Variants in CACNA2D3 observed in about 807,000 individuals in gnomAD.
CACNA2D3 encodes calcium voltage-gated channel auxiliary subunit alpha2delta 3, also known as voltage-dependent calcium channel subunit alpha-2/delta-3.
In CACNA2D3, 60 loss-of-function variants were observed where a neutral mutation model predicts 160.6. That is an observed-to-expected ratio of 0.37 (90% CI 0.30 to 0.46). The LOEUF is 0.46. Among genes scored for constraint, CACNA2D3 ranks in the 20% least tolerant of loss-of-function variants. The pLI is 1.00. For synonymous variants in CACNA2D3, 558 were observed against 492.9 expected (o/e 1.13, Z -1.75); for missense variants, 1,205 against 1,365.0 (o/e 0.88, Z 1.85).
chr3:54,591,341 T>C (rs1213041655), intron 9 of CACNA2D3, among the ~76,000 whole-genome samples: 1 of 152,084 alleles, frequency 6.6e-6, no homozygotes, highest in African/African-American at 2.4e-5. Flanking sequence ...TCTGGAGCCA[T>C]GATTGAATCT....
chr3:54,351,273 C>T (rs1011132858), intron 3 of CACNA2D3, among the ~76,000 whole-genome samples: 7 of 151,974 alleles, frequency 4.6e-5, no homozygotes, highest in South Asian at 2.1e-4. Flanking sequence ...TGAGCTACCG[C>T]GCCCGGCCTT....
chr3:54,863,416 T>G (rs1274937591), intron 17 of CACNA2D3, among the ~76,000 whole-genome samples: 1 of 152,192 alleles, frequency 6.6e-6, no homozygotes, highest in Non-Finnish European at 1.5e-5. Context: ...TCTCCCTCCC[T>G]GCTTTCAGAG....
intron 35 of CACNA2D3, among the ~76,000 whole-genome samples, chr3:55,063,959 A>C (rs1704574686): frequency 6.6e-6 from 1 of 152,234 alleles, no homozygotes; most frequent in Non-Finnish European, 1.5e-5. Context: ...AGGTACTAAA[A>C]GGTAAAACTT....
At chr3:54,381,571 C>T (rs1168590688) in intron 3 of CACNA2D3, among the ~76,000 whole-genome samples, 2 of 152,268 alleles carry the variant, frequency 1.3e-5, no homozygotes, top group East Asian at 3.9e-4. Context: ...GCTTCTGGCC[C>T]ATGACGGAAA....
chr3:54,921,645 C>T (rs1700854000), intron 27 of CACNA2D3, among the ~76,000 whole-genome samples: 1 of 152,078 alleles, frequency 6.6e-6, no homozygotes. Flanking sequence ...ACCTCCAGGC[C>T]ATAAAGCCCC....
At chr3:54,506,463 C>T (rs1003007102) in intron 5 of CACNA2D3, among the ~76,000 whole-genome samples, 1 of 152,330 alleles carries the variant, frequency 6.6e-6, no homozygotes. Flanking sequence ...ATGAAACTAG[C>T]TGGTAAACTC....
chr3:54,410,427 C>T (rs1306005292), intron 4 of CACNA2D3, among the ~76,000 whole-genome samples: 1 of 152,058 alleles, frequency 6.6e-6, no homozygotes, highest in Non-Finnish European at 1.5e-5. Context: ...GGCTGACTCT[C>T]TTATTAGGGG....
intron 2 of CACNA2D3, among the ~76,000 whole-genome samples, chr3:54,234,114 C>G (rs1253204594): frequency 6.6e-6 from 1 of 152,150 alleles, no homozygotes; most frequent in Non-Finnish European, 1.5e-5. Flanking sequence ...AGCTTTGCAT[C>G]TGACAAAAGT....
chr3:54,968,123 T>C (rs1306637982), intron 27 of CACNA2D3, among the ~76,000 whole-genome samples: 1 of 152,100 alleles, frequency 6.6e-6, no homozygotes, highest in Non-Finnish European at 1.5e-5. Context: ...TTTGAATTTT[T>C]TTTTTTCTTT....
chr3:54,858,923 G>A (rs899716211), intron 17 of CACNA2D3, among the ~76,000 whole-genome samples: 25 of 152,166 alleles, frequency 1.6e-4, no homozygotes, highest in African/African-American at 5.6e-4. Context: ...CCCCATGAGA[G>A]CATTAAATTG....
chr3:54,637,469 G>C (rs1366204790), intron 10 of CACNA2D3, among the ~76,000 whole-genome samples: 1 of 151,882 alleles, frequency 6.6e-6, no homozygotes, highest in East Asian at 1.9e-4. Context: ...GCCTAATAAG[G>C]GAACTGGGCA....
chr3:54,214,544 T>C (rs1271414572), intron 2 of CACNA2D3, among the ~76,000 whole-genome samples: 1 of 152,188 alleles, frequency 6.6e-6, no homozygotes, highest in African/African-American at 2.4e-5. Flanking sequence ...TTTTATCTCC[T>C]GTGGTCCTCA....
Position 54,429,691 on chromosome 3 carries a change from C to A in CACNA2D3, c.381+42917C>A, listed in dbSNP as rs533962536. 1.1e-4 allele frequency among the ~76,000 whole-genome samples: 17 copies of A among 152,258 alleles called. No individual in the cohort carries two copies. The South Asian group carries it at 3.5e-3, about 32-fold the overall frequency. ...ACTTTGCCAGACTCTACTCAAGTCC[C>A]ATGCCTACCCTTGGTACCCAGCAAT... is the stretch of plus-strand genomic sequence containing the variant. On this transcript the variant is annotated intron_variant, in intron 4 of 37. Coordinates refer to ENST00000474759, the MANE Select transcript of CACNA2D3 (RefSeq NM_018398.3).
chr3:54,581,962 C>A, intron 9 of CACNA2D3, 85 bp downstream of exon 9: 1 of 1,118,610 alleles, frequency 8.9e-7, no homozygotes, highest in South Asian at 1.5e-5. Flanking sequence ...TCTGTCTTAT[C>A]AAATGCACTG....
At chr3:54,914,619 T>C (rs907717302) in intron 27 of CACNA2D3, among the ~76,000 whole-genome samples, 1 of 152,168 alleles carries the variant, frequency 6.6e-6, no homozygotes, top group Non-Finnish European at 1.5e-5. Flanking sequence ...AAAAAGAATC[T>C]GAAAGGGAAG....
chr3:54,705,657 T>G (rs1356624011), intron 11 of CACNA2D3, among the ~76,000 whole-genome samples: 1 of 152,240 alleles, frequency 6.6e-6, no homozygotes, highest in Non-Finnish European at 1.5e-5. Flanking sequence ...TTCAACAGTT[T>G]GGGCCTCCCA....
At chr3:54,975,315 T>C (rs1702362816) in intron 29 of CACNA2D3, among the ~76,000 whole-genome samples, 1 of 152,066 alleles carries the variant, frequency 6.6e-6, no homozygotes, top group Non-Finnish European at 1.5e-5. Flanking sequence ...GGTCAGGAGT[T>C]TGAGAGCAGC....
At position 54,522,925 on chromosome 3, in the gene CACNA2D3, T is replaced by C. The variant is rs894305395; in HGVS notation, c.544+19271T>C. On this transcript the variant is annotated intron_variant, in intron 5 of 37. Transcript: ENST00000474759. ...AAAGCACCATTTATTTATTTATTTA[T>C]TTATTTATTTACTTACTTACTTACT... Among the ~76,000 whole-genome samples, 73 of 107,398 alleles carry C rather than the reference T, an allele frequency of 6.8e-4. No individual in the cohort carries two copies. The East Asian group carries it at 0.014, about 21-fold the overall frequency. The allele number at this position is 107,398 out of a possible 152,430, so 70.5% of individuals were successfully genotyped here.
chr3:54,241,909 C>A (rs1289138857), intron 2 of CACNA2D3, among the ~76,000 whole-genome samples: 1 of 152,152 alleles, frequency 6.6e-6, no homozygotes, highest in Admixed American at 6.6e-5. Flanking sequence ...GATAAGAATA[C>A]CTGTGACTTA....
Sources: allele counts gnomAD v4.1 joint callset (sites outside exome capture counted in the v4.1 genomes callset), GRCh38; gene constraint gnomAD v4.1.1; transcripts MANE v1.5; gene names NCBI Gene and HGNC (gene_info 2026-07-23, HGNC 2026-07-21).